Variants in CRIM1 observed in about 807,000 individuals in gnomAD.
The protein encoded by CRIM1 is cysteine-rich motor neuron 1 protein.
In CRIM1, 32 loss-of-function variants were observed where a neutral mutation model predicts 116.4. The ratio of observed to expected loss-of-function variants is 0.27; its 90% CI spans 0.21 to 0.37. The LOEUF is 0.37. Ranked by LOEUF, CRIM1 falls within the 10% of genes least tolerant of loss-of-function variation. The pLI, the probability that CRIM1 is intolerant of heterozygous loss-of-function variation, is 1.00. For missense variants in CRIM1, 1,331 were observed against 1,354.8 expected (o/e 0.98, Z 0.28); for synonymous variants, 590 against 509.2 (o/e 1.16, Z -2.13).
At chr2:36,426,748 C>G (rs1313861151) in intron 2 of CRIM1, among the ~76,000 whole-genome samples, 3 of 152,178 alleles carry the variant, frequency 2.0e-5, no homozygotes, top group Non-Finnish European at 2.9e-5. Context: ...TTATATCTGA[C>G]CTCCCACAAG....
intron 4 of CRIM1, among the ~76,000 whole-genome samples, chr2:36,452,479 A>C (rs1184025983): frequency 1.3e-5 from 2 of 152,190 alleles, no homozygotes; most frequent in Admixed American, 1.3e-4. Flanking sequence ...GCCAGAGTCT[A>C]TATTAAACTC....
At chr2:36,453,623 T>C (rs920730917) in intron 4 of CRIM1, among the ~76,000 whole-genome samples, 1 of 152,224 alleles carries the variant, frequency 6.6e-6, no homozygotes, top group Non-Finnish European at 1.5e-5. Context: ...TGAGCATTTG[T>C]CATGTGCCAG....
intron 4 of CRIM1, among the ~76,000 whole-genome samples, chr2:36,446,389 C>T (rs1241716198): frequency 6.6e-6 from 1 of 152,228 alleles, no homozygotes; most frequent in East Asian, 1.9e-4. Context: ...GAGTGACAGA[C>T]ACTATTCTCC....
At chr2:36,393,441 A>G (rs1671774553) in intron 1 of CRIM1, among the ~76,000 whole-genome samples, 2 of 152,148 alleles carry the variant, frequency 1.3e-5, no homozygotes, top group East Asian at 3.8e-4. Flanking sequence ...TGTTAAAGAC[A>G]CAACTGCATT....
In CRIM1 at chr2:36,461,511, A is replaced by G. The variant is rs747378944; in HGVS notation, c.870-3023A>G. On this transcript the variant is annotated intron_variant, in intron 4 of 16. Transcript: ENST00000280527. ...AAAATCTAGTCTCTTCTAGTGGAAA[A>G]CACAGAGAACAGGAAACCCTATTTA... is the stretch of plus-strand genomic sequence containing the variant. Among the ~76,000 whole-genome samples, 72 of 152,324 alleles carry G rather than the reference A, an allele frequency of 4.7e-4. 3 individuals carry two copies. The highest frequency in any genetic ancestry group is 1.2e-4 in the Non-Finnish European group (8 of 68,032).
At chr2:36,481,059 A>G (rs1679380551) in intron 7 of CRIM1, among the ~76,000 whole-genome samples, 1 of 152,254 alleles carries the variant, frequency 6.6e-6, no homozygotes, top group Non-Finnish European at 1.5e-5. Context: ...GACACACGGT[A>G]AGGAATATGA....
intron 1 of CRIM1, among the ~76,000 whole-genome samples, chr2:36,365,956 G>T (rs1440550540): frequency 1.3e-5 from 2 of 152,076 alleles, no homozygotes; most frequent in Non-Finnish European, 2.9e-5. Context: ...ATGGTCTCTC[G>T]ACCTCGTGAT....
At chr2:36,387,020 A>T (rs900435286) in intron 1 of CRIM1, among the ~76,000 whole-genome samples, 2 of 152,222 alleles carry the variant, frequency 1.3e-5, no homozygotes, top group African/African-American at 2.4e-5. Context: ...GCTGGGATCA[A>T]GTCTAAACTG....
intron 9 of CRIM1, 123 bp from the exon 10 acceptor site, chr2:36,512,150 A>T: frequency 8.5e-7 from 1 of 1,183,322 alleles, no homozygotes; most frequent in Non-Finnish European, 1.2e-6. Flanking sequence ...GGAATCTTTG[A>T]GAGCAAAAGT....
rs139883978 is a variant in CRIM1, at chr2:36,446,069, A to G, written c.869+3334A>G. Among the ~76,000 whole-genome samples, 60 of 152,340 alleles carry G rather than the reference A, an allele frequency of 3.9e-4. 1 individual carries two copies. The East Asian group carries it at 6.2e-3, about 16-fold the overall frequency. The stretch of plus-strand genomic sequence containing the variant: ...TTACATTTTAGGACATAATAAGGTA[A>G]AATATCTGAAACTTTAGCTGTAAAG... On this transcript the variant is annotated intron_variant, in intron 4 of 16. Coordinates refer to ENST00000280527, the MANE Select transcript of CRIM1 (RefSeq NM_016441.3).
intron 5 of CRIM1, among the ~76,000 whole-genome samples, chr2:36,464,928 A>T (rs148215908): frequency 7.9e-5 from 12 of 152,294 alleles, no homozygotes; most frequent in African/African-American, 2.9e-4. Context: ...AATTTCCAAA[A>T]CTTAGGGATT....
chr2:36,496,047 G>GAC (rs1246463111), intron 7 of CRIM1, among the ~76,000 whole-genome samples: 1 of 152,084 alleles, frequency 6.6e-6, no homozygotes, highest in Non-Finnish European at 1.5e-5. Flanking sequence ...AATGCCAGGA[G>GAC]ACAACTAGTT....
At chr2:36,509,584 A>G (rs973180624) in intron 8 of CRIM1, among the ~76,000 whole-genome samples, 1 of 152,208 alleles carries the variant, frequency 6.6e-6, no homozygotes, top group South Asian at 2.1e-4. Context: ...AATAAAACAT[A>G]TAATGAAAAT....
intron 8 of CRIM1, 85 bp downstream of exon 8, chr2:36,499,432 C>T (rs1024731168): frequency 5.7e-6 from 8 of 1,399,074 alleles, no homozygotes; most frequent in African/African-American, 2.9e-5. Context: ...ATCTTTTTCA[C>T]TTCTGTTCAG....
chr2:36,424,015 A>G (rs1674269441), intron 2 of CRIM1, among the ~76,000 whole-genome samples: 2 of 152,140 alleles, frequency 1.3e-5, no homozygotes, highest in African/African-American at 2.4e-5. Flanking sequence ...GAGATTTAAG[A>G]ATAGTAGAAG....
intron 7 of CRIM1, among the ~76,000 whole-genome samples, chr2:36,490,350 G>A (rs1680137083): frequency 6.6e-6 from 1 of 152,096 alleles, no homozygotes; most frequent in South Asian, 2.1e-4. Flanking sequence ...CCCATTTTCT[G>A]GAAGCCCAGA....
chr2:36,475,219 A>T (rs759589949), intron 5 of CRIM1, among the ~76,000 whole-genome samples: 1 of 152,234 alleles, frequency 6.6e-6, no homozygotes, highest in Non-Finnish European at 1.5e-5. Context: ...TTGTCTTTCA[A>T]TCCATGAACA....
chr2:36,394,570 A>G (rs1163543042), intron 1 of CRIM1, among the ~76,000 whole-genome samples: 3 of 151,804 alleles, frequency 2.0e-5, no homozygotes, highest in African/African-American at 7.3e-5. Context: ...TTATGTGTCT[A>G]TGTTATATTT....
At chr2:36,437,524 C>T (rs529808763) in intron 2 of CRIM1, among the ~76,000 whole-genome samples, 1 of 151,826 alleles carries the variant, frequency 6.6e-6, no homozygotes, top group African/African-American at 2.4e-5. Context: ...TCTTTAAAAA[C>T]AGTTTATTCT....
Sources: gnomAD v4.1 joint callset for allele counts (sites outside exome capture counted in the v4.1 genomes callset) on GRCh38, gnomAD v4.1.1 for gene constraint, MANE v1.5 for transcripts, NCBI Gene and HGNC (gene_info 2026-07-23, HGNC 2026-07-21) for gene names.